The following PDE2A variants were observed in gnomAD, a reference collection of about 807,000 sequenced individuals.
PDE2A encodes cGMP-dependent 3',5'-cyclic phosphodiesterase.
Under a neutral mutation model 133.6 loss-of-function variants are expected in PDE2A, and 53 were observed. The ratio of observed to expected loss-of-function variants is 0.40; its 90% CI spans 0.32 to 0.50. The LOEUF is 0.50. Ranked by LOEUF, PDE2A falls within the 20% of genes least tolerant of loss-of-function variation. The probability of loss-of-function intolerance (pLI) is 0.73; values close to 1 mark genes in which losing one functional copy is unlikely to be tolerated. For missense variants in PDE2A, 796 were observed against 1,232.4 expected, an observed-to-expected ratio of 0.65 and a Z score of 5.30; for synonymous variants, 491 against 490.2, an observed-to-expected ratio of 1.00 and a Z score of -0.02.
intron 2 of PDE2A, among the ~76,000 whole-genome samples, chr11:72,613,654 C>A (rs545060198): frequency 7.9e-5 from 12 of 152,170 alleles, no homozygotes; most frequent in Admixed American, 7.9e-4. Context: ...TTCCTGCCCC[C>A]ACCTACTCCT....
chr11:72,630,503 G>A (rs1330494629), intron 2 of PDE2A, among the ~76,000 whole-genome samples: 1 of 151,450 alleles, frequency 6.6e-6, no homozygotes, highest in East Asian at 2.0e-4. Flanking sequence ...GTGGGGAAGA[G>A]GCCAGCAGGA....
Position 72,605,241 on chromosome 11 carries a change from A to C in PDE2A, c.235-15T>G, listed in dbSNP as rs1391664827. On this transcript the variant is annotated splice_polypyrimidine_tract_variant and intron_variant, in intron 3 of 30. Coordinates refer to ENST00000334456, the MANE Select transcript of PDE2A (RefSeq NM_002599.5). ...TAGACAGTTTCCTAGGACAGAAGGC[A>C]CTTATGAGACCCTGTGGAGAGGCCC... The C allele has an allele frequency of 6.4e-7, 1 of 1,565,650 alleles. No homozygotes were observed. Among genetic ancestry groups the C allele is most frequent in the Non-Finnish European group, 8.8e-7 (1 of 1,142,850 alleles).
chr11:72,610,330 G>A (rs1325205146), intron 2 of PDE2A, among the ~76,000 whole-genome samples: 2 of 152,200 alleles, frequency 1.3e-5, no homozygotes, highest in African/African-American at 4.8e-5. Context: ...CATGCCACAG[G>A]TCACCAGGAG....
At chr11:72,643,358 G>A (rs1221163941) in intron 1 of PDE2A, 3 of 152,330 alleles carry the variant, frequency 2.0e-5, no homozygotes, top group African/African-American at 7.2e-5. Context: ...GGGGCGGCAG[G>A]ACGTGTCTGG....
chr11:72,659,909 C>A (rs1203847367), intron 1 of PDE2A, among the ~76,000 whole-genome samples: 1 of 152,180 alleles, frequency 6.6e-6, no homozygotes, highest in African/African-American at 2.4e-5. Context: ...CCTAAGCATC[C>A]CTTCCCCTGC....
intron 1 of PDE2A, among the ~76,000 whole-genome samples, chr11:72,656,250 C>T (rs567398903): frequency 3.3e-5 from 5 of 152,332 alleles, no homozygotes; most frequent in African/African-American, 1.2e-4. Context: ...ACTGTTACCT[C>T]GGGACCTCAG....
rs886677420 is a variant in PDE2A, at chr11:72,651,858, C to T, written c.72-9532G>A. On this transcript the variant is annotated intron_variant, in intron 1 of 30. Coordinates refer to ENST00000334456, the MANE Select transcript of PDE2A (RefSeq NM_002599.5). The stretch of plus-strand genomic sequence containing the variant: ...TATCTCATCTCCTTTCCTCCCTCCC[C>T]ACCTTCCCTGGTGGCCTGAAGTCCT... 3.3e-5 allele frequency among the ~76,000 whole-genome samples: 5 copies of T among 152,332 alleles called. No individual in the cohort carries two copies. In the East Asian group the frequency reaches 9.7e-4, roughly 29 times the overall value.
intron 2 of PDE2A, among the ~76,000 whole-genome samples, chr11:72,639,444 T>C (rs915274245): frequency 7.9e-4 from 120 of 152,244 alleles, no homozygotes; most frequent in African/African-American, 2.7e-3. Context: ...GCTGGGCCAC[T>C]ATGGACTAAG....
intron 1 of PDE2A, among the ~76,000 whole-genome samples, chr11:72,646,335 T>A (rs756048230): frequency 3.9e-5 from 6 of 152,240 alleles, no homozygotes; most frequent in Non-Finnish European, 8.8e-5. Context: ...GGCCTTGTGC[T>A]GGCAAAGCAT....
chr11:72,642,672 C>T lies in PDE2A; in HGVS notation c.72-346G>A, dbSNP rs551472107. Among the ~76,000 whole-genome samples, 103 of 152,148 alleles carry T rather than the reference C, an allele frequency of 6.8e-4. 1 individual carries two copies. The highest frequency in any genetic ancestry group is 2.4e-3 in the African/African-American group (100 of 41,528). ...CTGTCAGCCTGCGCTCGCTGCCCCT[C>T]GCCCCGTCGCCACTTCTCTCGCATC... On this transcript the variant is annotated intron_variant, in intron 1 of 30. Coordinates refer to ENST00000334456, the MANE Select transcript of PDE2A (RefSeq NM_002599.5).
chr11:72,626,045 T>C (rs1858047683), intron 2 of PDE2A, among the ~76,000 whole-genome samples: 1 of 152,250 alleles, frequency 6.6e-6, no homozygotes, highest in African/African-American at 2.4e-5. Context: ...TGCCAGCTCC[T>C]GCCTTTCCCT....
At chr11:72,657,595 A>G (rs973985019) in intron 1 of PDE2A, among the ~76,000 whole-genome samples, 1 of 152,150 alleles carries the variant, frequency 6.6e-6, no homozygotes, top group Non-Finnish European at 1.5e-5. Context: ...TAAGAGTGCC[A>G]TGTGGTTGTC....
chr11:72,603,024 A>G (rs1227651092), intron 4 of PDE2A, among the ~76,000 whole-genome samples: 2 of 152,076 alleles, frequency 1.3e-5, no homozygotes, highest in Admixed American at 1.3e-4. Flanking sequence ...GCCTTCCCCC[A>G]ATCCTTTTTC....
intron 23 of PDE2A, 71 bp downstream of exon 23, chr11:72,581,286 A>C (rs1855713297): frequency 3.4e-6 from 5 of 1,468,950 alleles, no homozygotes; most frequent in Non-Finnish European, 4.6e-6. Flanking sequence ...CCTGACACAC[A>C]GGGGGTGCTT....
Position 72,620,656 on chromosome 11 carries a change from C to G in PDE2A, c.145-11905G>C, listed in dbSNP as rs549265236. ...GCGGGTATGGACTCCTATCCACCCCCACCCTCCCGACCGGGACCAGATCCC... is the reference window on the plus strand; with the variant it reads ...GCGGGTATGGACTCCTATCCACCCCGACCCTCCCGACCGGGACCAGATCCC... On this transcript the variant is annotated intron_variant, in intron 2 of 30. Transcript: ENST00000334456. Among the ~76,000 whole-genome samples the G allele has an allele frequency of 2.0e-5, 3 of 152,286 alleles. No homozygotes were observed. The East Asian group carries it at 5.8e-4, about 29-fold the overall frequency.
chr11:72,669,498 A>C lies in PDE2A; in HGVS notation c.71+4639T>G, dbSNP rs535609277. 7.2e-5 allele frequency among the ~76,000 whole-genome samples: 11 copies of C among 152,232 alleles called. 2 individuals carry two copies. The highest frequency in any genetic ancestry group is 2.6e-4 in the African/African-American group (11 of 41,556). ...CAAGCAGCTGAACAATAGGAGATAA[A>C]TGTGTGAAAACATTTCTGTTACTAA... On this transcript the variant is annotated intron_variant, in intron 1 of 30. Coordinates refer to ENST00000334456, the MANE Select transcript of PDE2A (RefSeq NM_002599.5).
intron 2 of PDE2A, among the ~76,000 whole-genome samples, chr11:72,614,859 T>C (rs1456789435): frequency 1.3e-5 from 2 of 151,958 alleles, no homozygotes; most frequent in African/African-American, 4.8e-5. Flanking sequence ...AGAGGGAGAC[T>C]AGTGGTGGGG....
chr11:72,631,436 C>T (rs1368838206), intron 2 of PDE2A, among the ~76,000 whole-genome samples: 1 of 152,160 alleles, frequency 6.6e-6, no homozygotes, highest in Non-Finnish European at 1.5e-5. Context: ...CTGAGGCCTC[C>T]TCCACTTCTG....
intron 4 of PDE2A, among the ~76,000 whole-genome samples, chr11:72,602,151 C>T (rs118017425): frequency 3.8e-4 from 58 of 152,292 alleles, no homozygotes; most frequent in Middle Eastern, 3.4e-3. Context: ...GGAGCAGGGA[C>T]GGTCTTTGCA....
Sources: gnomAD v4.1 joint callset for allele counts (sites outside exome capture counted in the v4.1 genomes callset) on GRCh38, gnomAD v4.1.1 for gene constraint, MANE v1.5 for transcripts, NCBI Gene and HGNC (gene_info 2026-07-23, HGNC 2026-07-21) for gene names.